Variants in MAP3K20 observed in about 807,000 individuals in gnomAD.
MAP3K20 encodes the protein HCCS-4.
Under a neutral mutation model 85.7 loss-of-function variants are expected in MAP3K20, and 40 were observed. The ratio of observed to expected loss-of-function variants is 0.47; its 90% CI spans 0.36 to 0.61. The LOEUF (loss-of-function observed/expected upper bound fraction) is 0.61, where lower values mean the gene tolerates loss of function less well. MAP3K20 is among the 20% of genes least tolerant of loss of function. MAP3K20 has a pLI of 0.00. For missense variants in MAP3K20, 817 were observed against 961.7 expected (o/e 0.85, Z 1.99); for synonymous variants, 325 against 327.7 (o/e 0.99, Z 0.09).
intron 2 of MAP3K20, among the ~76,000 whole-genome samples, chr2:173,127,972 C>G (rs1688492062): frequency 6.6e-6 from 1 of 152,166 alleles, no homozygotes; most frequent in Non-Finnish European, 1.5e-5. Context: ...GTGATAGAAT[C>G]TAGACCTTCG....
chr2:173,234,095 G>C (rs185424754), intron 14 of MAP3K20, among the ~76,000 whole-genome samples: 1 of 152,292 alleles, frequency 6.6e-6, no homozygotes. Flanking sequence ...CTCCAAAAAA[G>C]AAATTTTGTA....
At chr2:173,167,787 A>G (rs896478634) in intron 2 of MAP3K20, among the ~76,000 whole-genome samples, 2 of 152,212 alleles carry the variant, frequency 1.3e-5, no homozygotes, top group Non-Finnish European at 2.9e-5. Context: ...AAATCCCATC[A>G]TGCTGCATTG....
chr2:173,152,284 G>A (rs1219301736), intron 2 of MAP3K20, among the ~76,000 whole-genome samples: 1 of 152,148 alleles, frequency 6.6e-6, no homozygotes, highest in East Asian at 1.9e-4. Context: ...AACGATTCTT[G>A]TCTCTTGAAG....
intron 18 of MAP3K20, among the ~76,000 whole-genome samples, chr2:173,262,033 A>G (rs900139649): frequency 6.6e-6 from 1 of 151,014 alleles, no homozygotes; most frequent in Non-Finnish European, 1.5e-5. Context: ...AAAAAAAAAA[A>G]TACTGAAAGA....
chr2:173,263,650 G>A, intron 18 of MAP3K20, 95 bp from the exon 19 acceptor site: 2 of 1,227,868 alleles, frequency 1.6e-6, no homozygotes, highest in Non-Finnish European at 2.3e-6. Context: ...TAATAACCTG[G>A]ATGACTTTCT....
At chr2:173,216,563 G>T (rs907294033) in intron 10 of MAP3K20, among the ~76,000 whole-genome samples, 1 of 151,842 alleles carries the variant, frequency 6.6e-6, no homozygotes, top group Non-Finnish European at 1.5e-5. Context: ...CAGGCAGGTA[G>T]GAGAACCCTA....
At chr2:173,188,918 T>G (rs2106272429) in intron 5 of MAP3K20, among the ~76,000 whole-genome samples, 1 of 152,336 alleles carries the variant, frequency 6.6e-6, no homozygotes, top group African/African-American at 2.4e-5. Flanking sequence ...TTATTTGACT[T>G]CAGTATATCT....
At chr2:173,234,300 G>T (rs1191202288) in intron 14 of MAP3K20, among the ~76,000 whole-genome samples, 2 of 152,092 alleles carry the variant, frequency 1.3e-5, no homozygotes, top group African/African-American at 4.8e-5. Flanking sequence ...CCCCTTTCAT[G>T]CTGAGCGGTA....
intron 1 of MAP3K20, among the ~76,000 whole-genome samples, chr2:173,079,421 A>G (rs1015938336): frequency 2.6e-5 from 4 of 152,194 alleles, no homozygotes; most frequent in Admixed American, 2.6e-4. Flanking sequence ...ACTACTGTAG[A>G]CTTTATAAAC....
At position 173,239,440 on chromosome 2, in the gene MAP3K20, A is replaced by G. The variant is rs779003244; in HGVS notation, c.1303A>G (p.Ile435Val). 6.2e-6 allele frequency: 10 copies of G among 1,613,634 alleles called. No individual in the cohort carries two copies. Among genetic ancestry groups the G allele is most frequent in the Admixed American group, 1.7e-5 (1 of 59,880 alleles). The change falls in exon 16 of 20, where the codon ATA (isoleucine) becomes GTA (valine). Residue 435 changes from isoleucine to valine, a missense_variant. By Grantham distance (29) the Ile-to-Val change is conservative (BLOSUM62 3). This residue lies in a region of MAP3K20 where 454 missense variants were observed against 476.9 expected (regional missense o/e 0.95). Transcript: ENST00000375213. ...GGEPEENEEKIVNLELVFGFH... is the reference protein window; with the variant it reads ...GGEPEENEEKVVNLELVFGFH... ...TGAACCTGAAGAAAATGAGGAAAAA[A>G]TAGTGAACCTGGAACTGGTTTTTGG...
chr2:173,143,036 CAAACAAA>C (rs930345695), intron 2 of MAP3K20, among the ~76,000 whole-genome samples: 2 of 151,724 alleles, frequency 1.3e-5, no homozygotes, highest in African/African-American at 2.4e-5. Context: ...CAAAAAGAAA[CAAACAAA>C]AAACAAAAAA....
At chr2:173,210,333 C>CA (rs1559280622) in intron 10 of MAP3K20, 1 of 151,198 alleles carries the variant, frequency 6.6e-6, no homozygotes, top group Admixed American at 6.6e-5. Flanking sequence ...GCCTGAGCAA[C>CA]AAGAGTGAAA....
At chr2:173,107,069 C>G (rs1456767574) in intron 2 of MAP3K20, among the ~76,000 whole-genome samples, 1 of 152,126 alleles carries the variant, frequency 6.6e-6, no homozygotes, top group Non-Finnish European at 1.5e-5. Flanking sequence ...TGACAGTGAG[C>G]TGGGGCTAAA....
At chr2:173,213,745 T>A (rs974980559) in intron 10 of MAP3K20, among the ~76,000 whole-genome samples, 1 of 152,248 alleles carries the variant, frequency 6.6e-6, no homozygotes, top group African/African-American at 2.4e-5. Context: ...GTTGTTGTGC[T>A]GTCTTCTCAT....
At chr2:173,103,118 C>T (rs1022938619) in intron 2 of MAP3K20, among the ~76,000 whole-genome samples, 1 of 152,054 alleles carries the variant, frequency 6.6e-6, no homozygotes, top group East Asian at 1.9e-4. Context: ...CACTTGGTGG[C>T]TATTTTAAAA....
intron 17 of MAP3K20, among the ~76,000 whole-genome samples, chr2:173,260,736 A>G (rs1477966740): frequency 6.6e-6 from 1 of 152,236 alleles, no homozygotes; most frequent in Non-Finnish European, 1.5e-5. Flanking sequence ...ATTGTTGGGA[A>G]GTTTTCCAAC....
At chr2:173,114,534 A>T (rs1234376906) in intron 2 of MAP3K20, among the ~76,000 whole-genome samples, 1 of 152,028 alleles carries the variant, frequency 6.6e-6, no homozygotes, top group Non-Finnish European at 1.5e-5. Context: ...TTCTGTCTTG[A>T]TGCGTTTCTA....
intron 7 of MAP3K20, among the ~76,000 whole-genome samples, chr2:173,195,941 T>C (rs1420854175): frequency 6.6e-6 from 1 of 152,190 alleles, no homozygotes. Flanking sequence ...ACTTAAATTT[T>C]ATTAGATTTT....
At chr2:173,091,310 C>T (rs1018422542) in intron 2 of MAP3K20, 120 bp downstream of exon 2, 12 of 953,292 alleles carry the variant, frequency 1.3e-5, no homozygotes, top group African/African-American at 1.6e-5. Context: ...GACTGATCCA[C>T]GAGGCCGTTT....
Sources: allele counts gnomAD v4.1 joint callset (sites outside exome capture counted in the v4.1 genomes callset), GRCh38; gene constraint gnomAD v4.1.1; regional missense constraint gnomAD v4.1.1; transcripts MANE v1.5; gene names NCBI Gene and HGNC (gene_info 2026-07-23, HGNC 2026-07-21).